The following COPG2 variants were observed in gnomAD, a reference collection of about 807,000 sequenced individuals.
COPG2 encodes the protein coatomer subunit gamma-2.
COPG2 carries 37 observed loss-of-function variants against 46.3 expected under a neutral mutation model. The observed-to-expected ratio is 0.80, with a 90% CI of 0.61 to 1.05. The LOEUF (loss-of-function observed/expected upper bound fraction) is 1.05. Ranked by LOEUF, COPG2 falls within the 50% of genes least tolerant of loss-of-function variation. The pLI, the probability that COPG2 is intolerant of heterozygous loss-of-function variation, is 0.00. For missense variants in COPG2, 427 were observed against 387.8 expected (o/e 1.10, Z -0.85); for synonymous variants, 159 against 129.7 (o/e 1.23, Z -1.53).
intron 5 of COPG2, among the ~76,000 whole-genome samples, chr7:130,635,295 C>G (rs1239402430): frequency 6.6e-6 from 1 of 152,028 alleles, no homozygotes; most frequent in Non-Finnish European, 1.5e-5. Flanking sequence ...GTACCAGCTG[C>G]TTTTTGTACC....
intron 5 of COPG2, among the ~76,000 whole-genome samples, chr7:130,649,049 G>C (rs1391677609): frequency 1.3e-5 from 2 of 152,152 alleles, no homozygotes; most frequent in Non-Finnish European, 2.9e-5. Context: ...TAAGTACAGA[G>C]ACTCACTCCA....
intron 5 of COPG2, among the ~76,000 whole-genome samples, chr7:130,647,789 G>A (rs1795646697): frequency 1.3e-5 from 2 of 150,606 alleles, no homozygotes; most frequent in African/African-American, 4.9e-5. Flanking sequence ...GGAGTGCAGT[G>A]GCATGATCTC....
chr7:130,645,975 A>G (rs1554458111), intron 5 of COPG2, among the ~76,000 whole-genome samples: 1 of 152,190 alleles, frequency 6.6e-6, no homozygotes, highest in African/African-American at 2.4e-5. Flanking sequence ...ACCTCTTGGT[A>G]GCTATTGCTT....
chr7:130,563,755 C>CAAAAAAAAAA (rs1239944614), intron 10 of COPG2, among the ~76,000 whole-genome samples: 3 of 89,004 alleles, frequency 3.4e-5, no homozygotes, highest in Admixed American at 1.3e-4. Context: ...GACTCCGTCT[C>CAAAAAAAAAA]AAAAAAAAAA....
chr7:130,540,097 G>T (rs1251336803), intron 20 of COPG2, among the ~76,000 whole-genome samples: 1 of 152,078 alleles, frequency 6.6e-6, no homozygotes, highest in East Asian at 1.9e-4. Context: ...GGTTGGAAAG[G>T]AGGGAAGGAT....
Position 130,506,733 on chromosome 7 carries a change from C to T in COPG2, c.2559G>A (p.Val853=). 1 of 780,638 alleles carries T rather than the reference C, an allele frequency of 1.3e-6. No individual in the cohort carries two copies. The highest frequency in any genetic ancestry group is 2.4e-5 in the East Asian group (1 of 41,250). 48.4% of individuals were successfully genotyped at this position (780,638 alleles called of 1,614,324 possible). A position where few individuals can be genotyped will look rare whatever the true frequency, so the allele number is the denominator to read the frequency against. ...GTGTTCTCTCTTTACTTCTGACAGT[C>T]ACCTGCATGGTCACTCCATCGGCTA... The part of the protein sequence containing the change: ...LALADGVTMQ[V]TVRSKERTPV... Residue 853 remains valine (V), a synonymous_variant, in exon 24 of 24, where the codon GTG becomes GTA. Transcript: ENST00000425248.
At chr7:130,623,655 GAATAA>G (rs1201538159) in intron 5 of COPG2, among the ~76,000 whole-genome samples, 1 of 152,098 alleles carries the variant, frequency 6.6e-6, no homozygotes, top group Admixed American at 6.5e-5. Flanking sequence ...GTTTAGGGAG[GAATAA>G]AATTTTTATA....
chr7:130,650,127 AC>A (rs1292617581), intron 5 of COPG2, among the ~76,000 whole-genome samples: 85 of 152,140 alleles, frequency 5.6e-4, no homozygotes, highest in Admixed American at 5.6e-3. Context: ...TGCATCTCTG[AC>A]CTTGTTTCCA....
intron 9 of COPG2, among the ~76,000 whole-genome samples, chr7:130,587,485 T>C (rs1794299447): frequency 6.6e-6 from 1 of 152,058 alleles, no homozygotes; most frequent in African/African-American, 2.4e-5. Flanking sequence ...AAAATTTTAA[T>C]TGTACAATAT....
intron 3 of COPG2, among the ~76,000 whole-genome samples, chr7:130,666,295 A>G (rs1264189606): frequency 6.6e-6 from 1 of 152,226 alleles, no homozygotes; most frequent in Non-Finnish European, 1.5e-5. Flanking sequence ...CTTGCACTGT[A>G]TTTTCAGAAA....
chr7:130,523,119 CAA>C lies in COPG2; in HGVS notation c.2150-14462_2150-14461del, dbSNP rs1308994776. Among the ~76,000 whole-genome samples, 4 of 57,536 alleles carry C rather than the reference CAA, an allele frequency of 7.0e-5. No individual in the cohort carries two copies. In the East Asian group the frequency reaches 2.3e-3, roughly 33 times the overall value. The allele number at this position is 57,536 out of a possible 152,430, so 37.7% of individuals were successfully genotyped here. ...GGGCGACAGAGTGAAACTCTTCTCT[CAA>C]AAAAAAAAAAAAAGAAGGCTCCAGG... On this transcript the variant is annotated intron_variant, in intron 20 of 23. Transcript: ENST00000425248.
chr7:130,533,859 CTT>C (rs1799852779), intron 20 of COPG2, among the ~76,000 whole-genome samples: 1 of 151,320 alleles, frequency 6.6e-6, no homozygotes, highest in African/African-American at 2.4e-5. Context: ...AGGGTCCACA[CTT>C]TATCCAGTCT....
chr7:130,577,930 C>T (rs1247252525), intron 9 of COPG2, among the ~76,000 whole-genome samples: 3 of 152,102 alleles, frequency 2.0e-5, no homozygotes, highest in African/African-American at 7.2e-5. Flanking sequence ...GAGGGGCGCC[C>T]GCCATTGCCC....
chr7:130,628,008 C>G (rs1330950814), intron 5 of COPG2, among the ~76,000 whole-genome samples: 1 of 152,134 alleles, frequency 6.6e-6, no homozygotes, highest in African/African-American at 2.4e-5. Flanking sequence ...TCATTGTCTT[C>G]AACTAACGAG....
At chr7:130,573,137 A>G (rs1315221781) in intron 9 of COPG2, among the ~76,000 whole-genome samples, 2 of 151,886 alleles carry the variant, frequency 1.3e-5, no homozygotes, top group Non-Finnish European at 2.9e-5. Context: ...AGAAATACCA[A>G]ACTACTAAAG....
chr7:130,532,129 T>C (rs909271479), intron 20 of COPG2, among the ~76,000 whole-genome samples: 23 of 152,102 alleles, frequency 1.5e-4, no homozygotes, highest in Non-Finnish European at 2.8e-4. Context: ...GCAGGGTTGA[T>C]GGAGGCATCA....
At chr7:130,664,521 T>C (rs1447769419) in intron 3 of COPG2, among the ~76,000 whole-genome samples, 1 of 152,240 alleles carries the variant, frequency 6.6e-6, no homozygotes, top group Non-Finnish European at 1.5e-5. Flanking sequence ...TCAACTCTCA[T>C]AGAAATTCAA....
intron 12 of COPG2, among the ~76,000 whole-genome samples, chr7:130,559,645 G>A (rs1248536280): frequency 6.6e-6 from 1 of 152,186 alleles, no homozygotes; most frequent in African/African-American, 2.4e-5. Context: ...GAGGTCATAC[G>A]AAGATCCCAC....
intron 9 of COPG2, among the ~76,000 whole-genome samples, chr7:130,607,151 G>A (rs924756636): frequency 1.3e-5 from 2 of 151,910 alleles, no homozygotes; most frequent in Non-Finnish European, 2.9e-5. Context: ...TGAGGTGAGA[G>A]GATTGCTTGA....
Sources: gnomAD v4.1 joint callset for allele counts (sites outside exome capture counted in the v4.1 genomes callset) on GRCh38, gnomAD v4.1.1 for gene constraint, MANE v1.5 for transcripts, NCBI Gene and HGNC (gene_info 2026-07-23, HGNC 2026-07-21) for gene names.